Variants in SEZ6L observed in about 807,000 individuals in gnomAD.
The protein encoded by SEZ6L is seizure related 6 homolog like, also known as seizure 6-like protein.
In SEZ6L, 37 loss-of-function variants were observed where a neutral mutation model predicts 106.2. The ratio of observed to expected loss-of-function variants is 0.35; its 90% CI spans 0.27 to 0.46. The LOEUF (loss-of-function observed/expected upper bound fraction) is 0.46, where lower values mean the gene tolerates loss of function less well. Among genes scored for constraint, SEZ6L ranks in the 20% least tolerant of loss-of-function variants. SEZ6L has a pLI of 1.00. For synonymous variants in SEZ6L, 541 were observed against 570.4 expected (o/e 0.95, Z 0.73); for missense variants, 1,172 against 1,332.8 (o/e 0.88, Z 1.88).
chr22:26,301,880 T>C (rs112134460), intron 5 of SEZ6L, among the ~76,000 whole-genome samples: 1,792 of 152,270 alleles, frequency 0.012, 45 homozygotes, highest in African/African-American at 0.041. Context: ...GACAGGAGGC[T>C]GGGGCAGTGG....
At chr22:26,192,399 G>C (rs1265743822) in intron 1 of SEZ6L, among the ~76,000 whole-genome samples, 1 of 152,170 alleles carries the variant, frequency 6.6e-6, no homozygotes, top group Non-Finnish European at 1.5e-5. Flanking sequence ...TTAAAGTTAT[G>C]TTTTTGAAAC....
At chr22:26,266,315 C>T (rs1022113051) in intron 1 of SEZ6L, among the ~76,000 whole-genome samples, 1 of 151,518 alleles carries the variant, frequency 6.6e-6, no homozygotes, top group African/African-American at 2.4e-5. Context: ...AATCCCAGCA[C>T]TTTGGGAGGC....
At position 26,369,357 on chromosome 22, in the gene SEZ6L, T is replaced by TTTTTTTTTTTTTTTTTTTTTTTTTTTG. The variant is rs2083934578; in HGVS notation, c.2794+3791_2794+3792insTTTTTTTTTTTTTTTTTTTTTTTTTTG. Among the ~76,000 whole-genome samples, 3 of 130,512 alleles carry TTTTTTTTTTTTTTTTTTTTTTTTTTTG rather than the reference T, an allele frequency of 2.3e-5. 1 individual carries two copies. Among genetic ancestry groups the TTTTTTTTTTTTTTTTTTTTTTTTTTTG allele is most frequent in the South Asian group, 6.0e-4 (2 of 3,308 alleles). The allele number at this position is 130,512 out of a possible 152,430, so 85.6% of individuals were successfully genotyped here. ...TAAGCAGTTCTTTTGTTTTTTTTTT[T>TTTTTTTTTTTTTTTTTTTTTTTTTTTG]GAGACAGATTCTCGCTCTGTCCCCC... On this transcript the variant is annotated intron_variant, in intron 13 of 16. Coordinates refer to ENST00000248933, the MANE Select transcript of SEZ6L (RefSeq NM_021115.5).
rs150552331 is a variant in SEZ6L, at chr22:26,324,903, C to A, written c.2015+11001C>A. ...GGCATAAAACAGCAGGCATGTATTTCTGTTCACGAGTCTAGAGATCAGCGT... is the reference window on the plus strand; with the variant it reads ...GGCATAAAACAGCAGGCATGTATTTATGTTCACGAGTCTAGAGATCAGCGT... On this transcript the variant is annotated intron_variant, in intron 9 of 16. Coordinates refer to ENST00000248933, the MANE Select transcript of SEZ6L (RefSeq NM_021115.5). 1.3e-3 allele frequency among the ~76,000 whole-genome samples: 201 copies of A among 152,294 alleles called. 1 individual carries two copies. Among genetic ancestry groups the A allele is most frequent in the African/African-American group, 4.6e-3 (193 of 41,550 alleles).
Position 26,299,000 on chromosome 22 carries a change from C to T in SEZ6L, c.1179C>T (p.Cys393=). The change falls in exon 5 of 17, where the codon TGC becomes TGT. Residue 393 remains cysteine, a synonymous_variant. Transcript: ENST00000248933. ...TCTTCCCAGCCTTCATGCTGAGCTGCAACTTTCCCCGCCGGCCTGACTCTG... is the reference window on the plus strand; with the variant it reads ...TCTTCCCAGCCTTCATGCTGAGCTGTAACTTTCCCCGCCGGCCTGACTCTG... The part of the protein sequence containing the change: ...QLHYQAFMLS[C]NFPRRPDSGD... 1 of 1,584,444 alleles carries T rather than the reference C, an allele frequency of 6.3e-7. No individual in the cohort carries two copies. The highest frequency in any genetic ancestry group is 8.6e-7 in the Non-Finnish European group (1 of 1,165,104).
At chr22:26,209,677 A>G (rs5761405) in intron 1 of SEZ6L, among the ~76,000 whole-genome samples, 10,909 of 148,338 alleles carry the variant, frequency 0.074, 575 homozygotes, top group East Asian at 0.25. Context: ...ATGGAGAGAT[A>G]GATGACAGGA....
chr22:26,222,592 G>A (rs1450258629), intron 1 of SEZ6L, among the ~76,000 whole-genome samples: 1 of 152,028 alleles, frequency 6.6e-6, no homozygotes, highest in Non-Finnish European at 1.5e-5. Flanking sequence ...AAAAAACTGA[G>A]GATTGGAGAG....
chr22:26,186,117 C>G (rs757752533), intron 1 of SEZ6L, among the ~76,000 whole-genome samples: 11 of 152,026 alleles, frequency 7.2e-5, no homozygotes, highest in Non-Finnish European at 1.6e-4. Flanking sequence ...TGAATTATTG[C>G]TACCATCAGC....
intron 13 of SEZ6L, among the ~76,000 whole-genome samples, chr22:26,367,636 C>G (rs1179430799): frequency 6.6e-6 from 1 of 152,122 alleles, no homozygotes; most frequent in Non-Finnish European, 1.5e-5. Flanking sequence ...TGACCTCTGC[C>G]TGCTTTTGAC....
rs148577116 is a variant in SEZ6L, at chr22:26,296,133, C to T, written c.970-755C>T. Among the ~76,000 whole-genome samples, 11 of 152,274 alleles carry T rather than the reference C, an allele frequency of 7.2e-5. No individual in the cohort carries two copies. In the East Asian group the frequency reaches 7.7e-4, roughly 11 times the overall value. On this transcript the variant is annotated intron_variant, in intron 3 of 16. Transcript: ENST00000248933. ...CTAAATTCTCCCTTACACACACACGCGCACATACCATTTGTTCAGCCTCCC... is the reference window on the plus strand; with the variant it reads ...CTAAATTCTCCCTTACACACACACGTGCACATACCATTTGTTCAGCCTCCC...
intron 1 of SEZ6L, among the ~76,000 whole-genome samples, chr22:26,200,109 C>T (rs1308818427): frequency 6.6e-6 from 1 of 152,204 alleles, no homozygotes; most frequent in Non-Finnish European, 1.5e-5. Flanking sequence ...CCCAAGCATT[C>T]CTGAATTCCC....
At chr22:26,340,657 A>AT in intron 10 of SEZ6L, 25 bp downstream of exon 10, 2 of 1,581,818 alleles carry the variant, frequency 1.3e-6, no homozygotes, top group East Asian at 2.3e-5. Flanking sequence ...TGGTCAATTT[A>AT]TTTTTTCTTT....
intron 1 of SEZ6L, among the ~76,000 whole-genome samples, chr22:26,218,802 T>A (rs2078371624): frequency 6.6e-6 from 1 of 152,050 alleles, no homozygotes; most frequent in Non-Finnish European, 1.5e-5. Flanking sequence ...CCAGGTGTAG[T>A]GGTGCATGCT....
At chr22:26,227,008 G>T (rs1602087037) in intron 1 of SEZ6L, among the ~76,000 whole-genome samples, 1 of 152,172 alleles carries the variant, frequency 6.6e-6, no homozygotes, top group Admixed American at 6.5e-5. Flanking sequence ...AACTCTTACT[G>T]CCAGTAGGTC....
Position 26,365,676 on chromosome 22 carries a change from C to T in SEZ6L, c.2794+110C>T, listed in dbSNP as rs2083784348. Reference sequence around the variant, plus strand: ...AAAAATTGGACTAGGAGTTCGAGACCAGCCGAGGCAACATAGTGAGACCCC... The same window carrying T: ...AAAAATTGGACTAGGAGTTCGAGACTAGCCGAGGCAACATAGTGAGACCCC... On this transcript the variant is annotated intron_variant, in intron 13 of 16. Coordinates refer to ENST00000248933, the MANE Select transcript of SEZ6L (RefSeq NM_021115.5). The T allele has an allele frequency of 3.1e-6, 3 of 972,364 alleles. No individual in the cohort carries two copies. In the South Asian group the frequency reaches 5.7e-5, roughly 19 times the overall value. The allele number at this position is 972,364 out of a possible 1,614,324, so 60.2% of individuals were successfully genotyped here.
chr22:26,364,770 A>G (rs60652443), intron 12 of SEZ6L: 9,826 of 153,486 alleles, frequency 0.064, 934 homozygotes, highest in African/African-American at 0.21. Flanking sequence ...AGTGCTGGAG[A>G]AACTAAGAAG....
intron 1 of SEZ6L, among the ~76,000 whole-genome samples, chr22:26,269,022 A>G (rs1474113591): frequency 6.6e-6 from 1 of 152,220 alleles, no homozygotes; most frequent in Non-Finnish European, 1.5e-5. Flanking sequence ...CTCTAGGATC[A>G]AACAGGACAA....
chr22:26,236,041 GC>G (rs1250832285), intron 1 of SEZ6L, among the ~76,000 whole-genome samples: 3 of 152,188 alleles, frequency 2.0e-5, no homozygotes, highest in Admixed American at 1.3e-4. Context: ...GTTGGATCTT[GC>G]CCCCCTGTCT....
rs750686800 is a variant in SEZ6L at position 26,293,097 on chromosome 22, T to C, written c.786T>C (p.Thr262=). 2.5e-6 allele frequency: 4 copies of C among 1,604,240 alleles called. No homozygotes were observed. The highest frequency in any genetic ancestry group is 2.2e-5 in the South Asian group (2 of 90,518). ...CCTCAGAGGAGAGCCAGGAGACCAC[T>C]ACCTCCACCATTATCACCACCACGG... is the stretch of plus-strand genomic sequence containing the variant. ...GSASEESQET[T]TSTIITTTVI... is the part of the protein sequence containing the mutation. The change falls in exon 2 of 17, where the codon ACT becomes ACC. Residue 262 remains threonine, a synonymous_variant. Transcript: ENST00000248933.
Sources: allele counts gnomAD v4.1 joint callset (sites outside exome capture counted in the v4.1 genomes callset), GRCh38; gene constraint gnomAD v4.1.1; transcripts MANE v1.5; gene names NCBI Gene and HGNC (gene_info 2026-07-23, HGNC 2026-07-21).